The following SGSM1 variants were observed in gnomAD, a reference collection of about 807,000 sequenced individuals.
SGSM1 encodes RUN and TBC1 domain containing 2.
In SGSM1, 73 loss-of-function variants were observed where a neutral mutation model predicts 133.8. The ratio of observed to expected loss-of-function variants is 0.55; its 90% CI spans 0.45 to 0.66. The LOEUF is 0.66. Ranked by LOEUF, SGSM1 falls within the 30% of genes least tolerant of loss-of-function variation. The pLI is 0.00. For missense variants in SGSM1, 1,213 were observed against 1,448.1 expected, an observed-to-expected ratio of 0.84 and a Z score of 2.64; for synonymous variants, 563 against 573.0, an observed-to-expected ratio of 0.98 and a Z score of 0.25.
intron 14 of SGSM1, among the ~76,000 whole-genome samples, chr22:24,883,744 T>C (rs1204715769): frequency 2.0e-5 from 3 of 151,934 alleles, no homozygotes; most frequent in Non-Finnish European, 4.4e-5. Context: ...ATCACTTGAG[T>C]CCAGGAGTTC....
intron 9 of SGSM1, among the ~76,000 whole-genome samples, chr22:24,860,257 A>T (rs922346948): frequency 6.6e-6 from 1 of 152,230 alleles, no homozygotes; most frequent in Non-Finnish European, 1.5e-5. Flanking sequence ...GTGATTTATA[A>T]GACCCAGCAA....
intron 9 of SGSM1, among the ~76,000 whole-genome samples, chr22:24,864,428 C>G (rs1931336559): frequency 6.6e-6 from 1 of 152,166 alleles, no homozygotes; most frequent in Non-Finnish European, 1.5e-5. Context: ...ACCCAGATGC[C>G]CATCAACTGA....
chr22:24,851,100 C>CAAAAAAA (rs68153757), intron 5 of SGSM1, among the ~76,000 whole-genome samples: 12 of 95,764 alleles, frequency 1.3e-4, no homozygotes, highest in Non-Finnish European at 2.2e-4. Flanking sequence ...GACTCCATCT[C>CAAAAAAA]AAAAAAAAAA....
Position 24,882,112 on chromosome 22 carries a change from G to A in SGSM1, c.1496-1941G>A, listed in dbSNP as rs189994067. ...GTTTTTTGAGACAGGGTCTCGCCTTGTCACCCCGGCTAGACGCAATTATGG... is the reference window on the plus strand; with the variant it reads ...GTTTTTTGAGACAGGGTCTCGCCTTATCACCCCGGCTAGACGCAATTATGG... On this transcript the variant is annotated intron_variant, in intron 14 of 24. Coordinates refer to ENST00000400358, the MANE Select transcript of SGSM1 (RefSeq NM_001098497.3). Among the ~76,000 whole-genome samples, 516 of 151,950 alleles carry A rather than the reference G, an allele frequency of 3.4e-3. 6 individuals are homozygous for A. Among genetic ancestry groups the A allele is most frequent in the African/African-American group, 0.012 (493 of 41,418 alleles).
At chr22:24,879,438 A>T in intron 13 of SGSM1, 24 bp from the exon 14 acceptor site, 1 of 1,612,044 alleles carries the variant, frequency 6.2e-7, no homozygotes. Context: ...TATTCTAAGC[A>T]TCTCCCTCTT....
intron 18 of SGSM1, among the ~76,000 whole-genome samples, chr22:24,897,008 T>C (rs1932930905): frequency 6.6e-6 from 1 of 151,356 alleles, no homozygotes; most frequent in Non-Finnish European, 1.5e-5. Context: ...AAAATAAAAT[T>C]AGGTACACAT....
At chr22:24,883,261 T>A in intron 14 of SGSM1, among the ~76,000 whole-genome samples, 1 of 152,202 alleles carries the variant, frequency 6.6e-6, no homozygotes, top group Middle Eastern at 3.2e-3. Context: ...TTTTGTATGT[T>A]GGCTATCATG....
At chr22:24,884,360 C>G (rs1156688100) in intron 15 of SGSM1, among the ~76,000 whole-genome samples, 162 bp downstream of exon 15, 1 of 152,168 alleles carries the variant, frequency 6.6e-6, no homozygotes, top group African/African-American at 2.4e-5. Context: ...GTTCCAAGAC[C>G]TACAGCTCAC....
chr22:24,844,832 CA>C, intron 2 of SGSM1, 64 bp from the exon 3 acceptor site: 1 of 1,502,600 alleles, frequency 6.7e-7, no homozygotes, highest in African/African-American at 1.4e-5. Context: ...CCTTTTGGGG[CA>C]CCTATACCCA....
intron 2 of SGSM1, among the ~76,000 whole-genome samples, chr22:24,821,911 ACC>A (rs1399092346): frequency 6.6e-6 from 1 of 151,894 alleles, no homozygotes; most frequent in Non-Finnish European, 1.5e-5. Context: ...GGATTAATGA[ACC>A]CACATGGACG....
Position 24,879,590 on chromosome 22 carries a change from C to T in SGSM1, c.1495+64C>T. 3.4e-6 allele frequency: 5 copies of T among 1,484,072 alleles called. No individual in the cohort carries two copies. The South Asian group carries it at 6.0e-5, about 18-fold the overall frequency. The allele number at this position is 1,484,072 out of a possible 1,614,324, so 91.9% of individuals were successfully genotyped here. A position where few individuals can be genotyped will look rare whatever the true frequency, so the allele number is the denominator to read the frequency against. ...GCAGCTATTGGTGCCTGCTGTATGC[C>T]AGCAATATCAAAAGATACTGGCTCT... On this transcript the variant is annotated intron_variant, in intron 14 of 24. Transcript: ENST00000400358.
At chr22:24,830,299 G>A (rs1328324567) in intron 2 of SGSM1, among the ~76,000 whole-genome samples, 1 of 152,176 alleles carries the variant, frequency 6.6e-6, no homozygotes, top group Non-Finnish European at 1.5e-5. Context: ...CGACCCTCAG[G>A]CTGAGAACTA....
intron 2 of SGSM1, among the ~76,000 whole-genome samples, chr22:24,825,355 C>T (rs1262137380): frequency 6.6e-6 from 1 of 152,192 alleles, no homozygotes; most frequent in African/African-American, 2.4e-5. Flanking sequence ...CCCATTGCTC[C>T]AGTGGTTGTT....
At chr22:24,816,595 C>T in intron 2 of SGSM1, among the ~76,000 whole-genome samples, 1 of 151,854 alleles carries the variant, frequency 6.6e-6, no homozygotes, top group Non-Finnish European at 1.5e-5. Context: ...TTTGTATTGA[C>T]AGGGTTTCAC....
chr22:24,915,311 A>G (rs968022162), intron 22 of SGSM1, among the ~76,000 whole-genome samples: 4 of 152,234 alleles, frequency 2.6e-5, no homozygotes, highest in Admixed American at 6.5e-5. Context: ...GCACGCAACA[A>G]CTTTGCTTGG....
chr22:24,831,595 T>G (rs997974715), intron 2 of SGSM1, among the ~76,000 whole-genome samples: 2 of 152,126 alleles, frequency 1.3e-5, no homozygotes, highest in African/African-American at 4.8e-5. Flanking sequence ...AGTCAGGGCC[T>G]TCTCACGCTC....
chr22:24,892,062 G>A (rs1932823686), intron 16 of SGSM1, among the ~76,000 whole-genome samples: 1 of 152,146 alleles, frequency 6.6e-6, no homozygotes, highest in African/African-American at 2.4e-5. Flanking sequence ...CACGGTTCAG[G>A]GGGCGGGGTG....
intron 21 of SGSM1, among the ~76,000 whole-genome samples, chr22:24,909,537 C>A (rs986493086): frequency 6.6e-6 from 1 of 152,094 alleles, no homozygotes; most frequent in Admixed American, 6.6e-5. Flanking sequence ...CTCACTGCAA[C>A]CTCCACCTCC....
Position 24,879,471 on chromosome 22 carries a change from G to T in SGSM1, c.1440G>T (p.Leu480=), listed in dbSNP as rs749494952. 5 of 1,613,768 alleles carry T rather than the reference G, an allele frequency of 3.1e-6. No individual in the cohort carries two copies. The Admixed American group carries it at 8.3e-5, about 27-fold the overall frequency. The part of the protein sequence containing the change: ...TNGCNHERAP[L]KLLCDNMKYQ... ...CTTTCTCCACCTGCAGGGCTCCCCT[G>T]AAACTTCTCTGTGACAATATGAAGT... Residue 480 remains leucine (L), a synonymous_variant, in exon 14 of 25, where the codon CTG becomes CTT. Coordinates refer to ENST00000400358, the MANE Select transcript of SGSM1 (RefSeq NM_001098497.3).
Sources: allele counts gnomAD v4.1 joint callset (sites outside exome capture counted in the v4.1 genomes callset), GRCh38; gene constraint gnomAD v4.1.1; transcripts MANE v1.5; gene names NCBI Gene and HGNC (gene_info 2026-07-23, HGNC 2026-07-21).